GABPA: variants seen among roughly 807,000 people sequenced by gnomAD.
GABPA encodes the protein GA-binding protein alpha chain.
GABPA carries 4 observed loss-of-function variants against 59.4 expected under a neutral mutation model. That is an observed-to-expected ratio of 0.07 (90% CI 0.03 to 0.15). GABPA has a LOEUF of 0.15. Ranked by LOEUF, GABPA falls within the 10% of genes least tolerant of loss-of-function variation. GABPA has a pLI of 1.00. For missense variants in GABPA, 251 were observed against 543.8 expected (o/e 0.46, Z 5.36); for synonymous variants, 164 against 183.1 (o/e 0.90, Z 0.84).
At chr21:25,750,696 A>G (rs2035488015) in intron 4 of GABPA, among the ~76,000 whole-genome samples, 1 of 152,210 alleles carries the variant, frequency 6.6e-6, no homozygotes, top group Non-Finnish European at 1.5e-5. Context: ...TGACAATGGT[A>G]GTTACGTACT....
Position 25,752,318 on chromosome 21 carries a change from T to G in GABPA, c.553+84T>G, listed in dbSNP as rs560354871. The G allele has an allele frequency of 7.6e-6, 10 of 1,318,222 alleles. No homozygotes were observed. The South Asian group carries it at 1.2e-4, about 16-fold the overall frequency. The allele number at this position is 1,318,222 out of a possible 1,614,324, so 81.7% of individuals were successfully genotyped here. A position where few individuals can be genotyped will look rare whatever the true frequency, so the allele number is the denominator to read the frequency against. ...AGACACTAGGGTAAGTTATAATCTATTTTACATGTAGAGTTATTAGGATGA... is the reference window on the plus strand; with the variant it reads ...AGACACTAGGGTAAGTTATAATCTAGTTTACATGTAGAGTTATTAGGATGA... On this transcript the variant is annotated intron_variant, in intron 5 of 9. Coordinates refer to ENST00000400075, the MANE Select transcript of GABPA (RefSeq NM_002040.4).
chr21:25,739,132 G>T (rs1488537015), intron 1 of GABPA, among the ~76,000 whole-genome samples: 2 of 152,176 alleles, frequency 1.3e-5, no homozygotes, highest in Non-Finnish European at 2.9e-5. Context: ...CGTCCTTAAA[G>T]GGCAAGCCTG....
At chr21:25,766,132 AT>A (rs563039974) in intron 9 of GABPA, among the ~76,000 whole-genome samples, 336 of 152,090 alleles carry the variant, frequency 2.2e-3, no homozygotes, top group Non-Finnish European at 4.2e-3. Flanking sequence ...ATATGTAAGC[AT>A]TTGATTTAAA....
At chr21:25,761,304 A>G (rs2035760549) in intron 6 of GABPA, among the ~76,000 whole-genome samples, 1 of 152,184 alleles carries the variant, frequency 6.6e-6, no homozygotes, top group African/African-American at 2.4e-5. Flanking sequence ...GAAGAAGTTA[A>G]TGTTGAAAGA....
At chr21:25,748,390 A>T (rs1053045564) in intron 3 of GABPA, among the ~76,000 whole-genome samples, 1 of 152,210 alleles carries the variant, frequency 6.6e-6, no homozygotes, top group Non-Finnish European at 1.5e-5. Flanking sequence ...TAAGCTGATG[A>T]CAGAAAGTGT....
rs757363577 is a variant in GABPA at position 25,749,097 on chromosome 21, G to T, written c.284G>T (p.Ser95Ile). Residue 95 changes from serine (S) to isoleucine (I), a missense_variant, in exon 4 of 10, where the codon AGT (serine) becomes ATT (isoleucine). Ser to Ile is a moderately radical substitution (Grantham distance 142). Around this residue, in one of 4 missense-constraint regions of GABPA, gnomAD observed 207 missense variants for 366.7 expected, o/e 0.56. Transcript: ENST00000400075. ...AAAACAGATGGAACTGTACAGCTTA[G>T]TGTACAGGTAATTTCTTACCAAGGT... Reference protein sequence around the residue: ...GVKTDGTVQLSVQVISYQGIE... With the variant: ...GVKTDGTVQLIVQVISYQGIE... 1 of 1,588,918 alleles carries T rather than the reference G, an allele frequency of 6.3e-7. No homozygotes were observed. Among genetic ancestry groups the T allele is most frequent in the South Asian group, 1.1e-5 (1 of 89,758 alleles).
chr21:25,743,810 T>C (rs553800112), intron 2 of GABPA, among the ~76,000 whole-genome samples: 15 of 152,080 alleles, frequency 9.9e-5, no homozygotes, highest in Admixed American at 8.5e-4. Context: ...CCCAGCACTT[T>C]GGGAGGCCAA....
chr21:25,755,432 TAAAAAAA>T (rs968729001), intron 5 of GABPA, among the ~76,000 whole-genome samples: 16 of 85,790 alleles, frequency 1.9e-4, no homozygotes, highest in East Asian at 6.1e-4. Context: ...CAAGACTGTC[TAAAAAAA>T]AAAAAAAAAA....
intron 5 of GABPA, among the ~76,000 whole-genome samples, chr21:25,755,837 G>A (rs574184313): frequency 2.2e-4 from 33 of 152,246 alleles, no homozygotes; most frequent in African/African-American, 7.9e-4. Context: ...TAAGCCTCTT[G>A]CTACTCAGAA....
At chr21:25,738,494 A>C (rs1404332345) in intron 1 of GABPA, among the ~76,000 whole-genome samples, 1 of 151,970 alleles carries the variant, frequency 6.6e-6, no homozygotes, top group Non-Finnish European at 1.5e-5. Flanking sequence ...ATAAATCTTG[A>C]TTTTTATGTA....
Position 25,770,225 on chromosome 21 carries a change from A to C in GABPA, c.*993A>C, listed in dbSNP as rs2035982280. The C allele has an allele frequency of 6.6e-6, 1 of 152,338 alleles. No homozygotes were observed. The highest frequency in any genetic ancestry group is 2.4e-5 in the African/African-American group (1 of 41,470). 9.4% of individuals were successfully genotyped at this position (152,338 alleles called of 1,614,324 possible). ...TAAATTACTTGCAAATAGTTTTAAA[A>C]GGAAAATACGACCTTTGTTATAGGC... On this transcript the variant is annotated 3_prime_UTR_variant, in exon 10 of 10. Transcript: ENST00000400075.
intron 5 of GABPA, among the ~76,000 whole-genome samples, chr21:25,757,477 T>C (rs887110544): frequency 3.3e-5 from 5 of 152,138 alleles, no homozygotes; most frequent in African/African-American, 9.7e-5. Context: ...GACAGCTGAG[T>C]AAAACAGGCA....
chr21:25,741,279 G>A (rs2035214738), intron 1 of GABPA, among the ~76,000 whole-genome samples: 3 of 151,918 alleles, frequency 2.0e-5, no homozygotes, highest in Admixed American at 6.6e-5. Flanking sequence ...GACTACAGGC[G>A]CGTGCCACCA....
Position 25,737,635 on chromosome 21 carries a change from C to A in GABPA, c.-27+2057C>A, listed in dbSNP as rs975547186. Among the ~76,000 whole-genome samples, 4 of 152,190 alleles carry A rather than the reference C, an allele frequency of 2.6e-5. No individual in the cohort carries two copies. The South Asian group carries it at 8.3e-4, about 31-fold the overall frequency. ...TATGTTAGGGGAGCCCCAGGTGTCC[C>A]TGCTGATACGCCATTAGGGCCACTT... On this transcript the variant is annotated intron_variant, in intron 1 of 9. Transcript: ENST00000400075.
chr21:25,735,888 C>T (rs1298432619), intron 1 of GABPA, among the ~76,000 whole-genome samples: 1 of 152,150 alleles, frequency 6.6e-6, no homozygotes, highest in African/African-American at 2.4e-5. Context: ...CGCGTCCCCT[C>T]CTCGCCCGTC....
chr21:25,745,102 C>A, intron 2 of GABPA, 108 bp from the exon 3 acceptor site: 1 of 1,251,068 alleles, frequency 8.0e-7, no homozygotes, highest in South Asian at 1.3e-5. Context: ...AATGACTTTT[C>A]AAAGACCAGA....
intron 5 of GABPA, among the ~76,000 whole-genome samples, chr21:25,757,322 TTAGG>T (rs1369493908): frequency 6.6e-6 from 1 of 152,138 alleles, no homozygotes; most frequent in Non-Finnish European, 1.5e-5. Flanking sequence ...ATGAATTCAA[TTAGG>T]TAGTAAATGA....
rs2036025812 is a variant in GABPA at position 25,772,396 on chromosome 21, A to T, written c.*3164A>T. 1 of 152,128 alleles carries T rather than the reference A, an allele frequency of 6.6e-6. No homozygotes were observed. Among genetic ancestry groups the T allele is most frequent in the Non-Finnish European group, 1.5e-5 (1 of 67,962 alleles). The allele number at this position is 152,128 out of a possible 1,614,324, so 9.4% of individuals were successfully genotyped here. Reference sequence around the variant, plus strand: ...AAACAGTTATTTTCTATTTTTACGCAGATAAATATTTGTGCATAAAATGTA... The same window carrying T: ...AAACAGTTATTTTCTATTTTTACGCTGATAAATATTTGTGCATAAAATGTA... On this transcript the variant is annotated 3_prime_UTR_variant, in exon 10 of 10. Coordinates refer to ENST00000400075, the MANE Select transcript of GABPA (RefSeq NM_002040.4).
chr21:25,770,302 T>C lies in GABPA; in HGVS notation c.*1070T>C, dbSNP rs748731396. ...CCACTTGTTTTCCTTTTCCATATTA[T>C]ATATGTGTATTCATATAGCTGTATA... On this transcript the variant is annotated 3_prime_UTR_variant, in exon 10 of 10. Coordinates refer to ENST00000400075, the MANE Select transcript of GABPA (RefSeq NM_002040.4). 2.0e-5 allele frequency: 3 copies of C among 152,136 alleles called. No individual in the cohort carries two copies. The highest frequency in any genetic ancestry group is 1.3e-4 in the Admixed American group (2 of 15,268). The allele number at this position is 152,136 out of a possible 1,614,324, so 9.4% of individuals were successfully genotyped here. A position where few individuals can be genotyped will look rare whatever the true frequency, so the allele number is the denominator to read the frequency against.
Sources: allele counts gnomAD v4.1 joint callset (sites outside exome capture counted in the v4.1 genomes callset), GRCh38; gene constraint gnomAD v4.1.1; regional missense constraint gnomAD v4.1.1; transcripts MANE v1.5; gene names NCBI Gene and HGNC (gene_info 2026-07-23, HGNC 2026-07-21).